The following ITIH1 variants were observed in gnomAD, a reference collection of about 807,000 sequenced individuals.
The protein encoded by ITIH1 is inter-alpha-trypsin inhibitor heavy chain H1.
ITIH1 carries 94 observed loss-of-function variants against 104.6 expected under a neutral mutation model. The ratio of observed to expected loss-of-function variants is 0.90; its 90% CI spans 0.76 to 1.07. The LOEUF is 1.07. Ranked by LOEUF, ITIH1 falls within the 50% of genes least tolerant of loss-of-function variation. ITIH1 has a pLI of 0.00. For synonymous variants in ITIH1, 455 were observed against 464.4 expected (o/e 0.98, Z 0.26); for missense variants, 1,193 against 1,181.4 (o/e 1.01, Z -0.14).
intron 6 of ITIH1, 81 bp from the exon 7 acceptor site, chr3:52,781,859 A>G (rs1008879122): frequency 4.8e-5 from 75 of 1,552,864 alleles, no homozygotes; most frequent in East Asian, 2.3e-4. Flanking sequence ...ACACACACGC[A>G]TGCCTTCTTA....
chr3:52,778,280 GA>G, intron 2 of ITIH1, 59 bp from the exon 3 acceptor site: 1 of 1,548,176 alleles, frequency 6.5e-7, no homozygotes, highest in Non-Finnish European at 8.9e-7. Context: ...CGTACCACAG[GA>G]AGTCCCTCGC....
At chr3:52,790,510 G>A (rs956187382) in intron 19 of ITIH1, 10 of 472,494 alleles carry the variant, frequency 2.1e-5, no homozygotes, top group East Asian at 8.4e-5. Flanking sequence ...TCACAGGCTC[G>A]GAGTGAGGAT....
chr3:52,783,294 C>T lies in ITIH1; in HGVS notation c.1180C>T (p.His394Tyr), dbSNP rs1270755929. Residue 394 changes from histidine to tyrosine, a missense_variant, in exon 10 of 22, where the codon CAT becomes TAT. Physicochemically the swap from His to Tyr is moderately conservative, Grantham distance 83. Coordinates refer to ENST00000273283, the MANE Select transcript of ITIH1 (RefSeq NM_002215.4). ...VQESLPELSN[H>Y]ASILIMLTDG... is the part of the protein sequence containing the mutation. ...GGAAAGCCTCCCAGAACTCAGCAAC[C>T]ATGCCTCAATACTCATCATGTTGAC... The T allele has an allele frequency of 1.7e-5, 28 of 1,614,028 alleles. No homozygotes were observed. The highest frequency in any genetic ancestry group is 2.7e-5 in the African/African-American group (2 of 74,906).
At chr3:52,785,635 G>A (rs907972914) in intron 12 of ITIH1, among the ~76,000 whole-genome samples, 1 of 152,230 alleles carries the variant, frequency 6.6e-6, no homozygotes, top group Non-Finnish European at 1.5e-5. Flanking sequence ...GGTGGGGACA[G>A]GCATGTGAGA....
Position 52,789,860 on chromosome 3 carries a change from C to A in ITIH1, c.2321+6C>A, listed in dbSNP as rs1257030054. 6.2e-7 allele frequency: 1 copy of A among 1,613,794 alleles called. No homozygotes were observed. The highest frequency in any genetic ancestry group is 1.7e-5 in the Admixed American group (1 of 60,006). On this transcript the variant is annotated splice_donor_region_variant and intron_variant, in intron 19 of 21. Transcript: ENST00000273283. ...GCTGTGCTGCGGCAGGACGGGTAAC[C>A]TGCCAGGGCCTGGGCAAGATGCAGG... is the stretch of plus-strand genomic sequence containing the variant.
chr3:52,781,709 G>T (rs570801903), intron 6 of ITIH1, among the ~76,000 whole-genome samples: 2 of 152,132 alleles, frequency 1.3e-5, no homozygotes, highest in African/African-American at 4.8e-5. Context: ...GATGTTCATT[G>T]TAGAAAATCC....
Position 52,779,803 on chromosome 3 carries a change from G to T in ITIH1, c.573+209G>T. ...CCTCTTTATCTCTGAGCTTCGGTTT[G>T]CTCATCTGCTAGACGGGGGGTTTCT... On this transcript the variant is annotated intron_variant, in intron 5 of 21. Coordinates refer to ENST00000273283, the MANE Select transcript of ITIH1 (RefSeq NM_002215.4). This position sits in a 1 kb window ranked among gnomAD's most constrained non-coding sequence, Gnocchi z 4.4. 2 of 1,100,046 alleles carry T rather than the reference G, an allele frequency of 1.8e-6. No homozygotes were observed. Among genetic ancestry groups the T allele is most frequent in the Non-Finnish European group, 2.5e-6 (2 of 792,470 alleles). The allele number at this position is 1,100,046 out of a possible 1,614,324, so 68.1% of individuals were successfully genotyped here. A position where few individuals can be genotyped will look rare whatever the true frequency, so the allele number is the denominator to read the frequency against.
chr3:52,787,055 C>T lies in ITIH1; in HGVS notation c.1844C>T (p.Ala615Val), dbSNP rs892554181. 1.7e-5 allele frequency: 28 copies of T among 1,614,008 alleles called. No homozygotes were observed. The highest frequency in any genetic ancestry group is 1.6e-4 in the Middle Eastern group (1 of 6,082). ...PLTSMSIRGMADQDGLKPTID... is the reference protein window; with the variant it reads ...PLTSMSIRGMVDQDGLKPTID... Reference sequence around the variant, plus strand: ...ACCTCCATGAGCATCAGGGGCATGGCGGACCAGGACGGCCTGAAGCCCACC... The same window carrying T: ...ACCTCCATGAGCATCAGGGGCATGGTGGACCAGGACGGCCTGAAGCCCACC... Residue 615 changes from alanine to valine, a missense_variant, in exon 14 of 22, where the codon GCG becomes GTG. Ala to Val is a moderately conservative substitution (Grantham distance 64). Transcript: ENST00000273283.
Position 52,792,059 on chromosome 3 carries a change from TC to T in ITIH1, c.*150del. The T allele has an allele frequency of 1.1e-6, 1 of 920,912 alleles. No individual in the cohort carries two copies. Among genetic ancestry groups the T allele is most frequent in the Non-Finnish European group, 1.6e-6 (1 of 630,714 alleles). 57.0% of individuals were successfully genotyped at this position (920,912 alleles called of 1,614,324 possible). ...TGCCTTCCATTAAAGAGAGGCCGTG[TC>T]CACCCTGAGCTGGCTGATTTTGGGG... On this transcript the variant is annotated 3_prime_UTR_variant, in exon 22 of 22. Coordinates refer to ENST00000273283, the MANE Select transcript of ITIH1 (RefSeq NM_002215.4).
In ITIH1 at chr3:52,786,369, C is replaced by T; in HGVS notation, c.1668C>T (p.His556=). The T allele has an allele frequency of 6.3e-7, 1 of 1,583,528 alleles. No homozygotes were observed. Among genetic ancestry groups the T allele is most frequent in the Non-Finnish European group, 8.6e-7 (1 of 1,164,370 alleles). The change falls in exon 13 of 22, where the codon CAC becomes CAT. Residue 556 remains histidine (H), a synonymous_variant. Coordinates refer to ENST00000273283, the MANE Select transcript of ITIH1 (RefSeq NM_002215.4). ...EMKKLLRERG[H]MLENHVERLW... is the part of the protein sequence containing the mutation. ...AGAAACTGCTCCGAGAGCGTGGCCA[C>T]ATGCTGGAGAACCACGTCGAGCGCC... is the stretch of plus-strand genomic sequence containing the variant.
chr3:52,786,114 C>A (rs1043098229), intron 12 of ITIH1, among the ~76,000 whole-genome samples, 181 bp from the exon 13 acceptor site: 1 of 152,194 alleles, frequency 6.6e-6, no homozygotes, highest in Admixed American at 6.5e-5. Flanking sequence ...CCAAGCCTGG[C>A]TTGCAGAGGG....
At position 52,783,105 on chromosome 3, in the gene ITIH1, G is replaced by A. The variant is rs745741317; in HGVS notation, c.1079G>A (p.Arg360Gln). 1.4e-5 allele frequency: 22 copies of A among 1,613,934 alleles called. No homozygotes were observed. Among genetic ancestry groups the A allele is most frequent in the Admixed American group, 6.7e-5 (4 of 59,996 alleles). ...CTACAAGCAGCTCAAGACTTTGTGCGGGGCTTTTCCCTGGATGAGGGTAAG... is the reference window on the plus strand; with the variant it reads ...CTACAAGCAGCTCAAGACTTTGTGCAGGGCTTTTCCCTGGATGAGGGTAAG... ...ANLQAAQDFV[R>Q]GFSLDEATNL... The change falls in exon 9 of 22, where the codon CGG becomes CAG. Residue 360 changes from arginine (R) to glutamine (Q), a missense_variant. By Grantham distance (43) the Arg-to-Gln change is conservative. Transcript: ENST00000273283.
intron 3 of ITIH1, 89 bp downstream of exon 3, chr3:52,778,595 C>T (rs375016928): frequency 2.4e-5 from 38 of 1,570,730 alleles, no homozygotes; most frequent in African/African-American, 1.1e-4. Context: ...GGCCAGATAA[C>T]GCAGAGCATC....
chr3:52,781,376 T>C (rs1699056651), intron 6 of ITIH1, among the ~76,000 whole-genome samples: 1 of 151,880 alleles, frequency 6.6e-6, no homozygotes, highest in African/African-American at 2.4e-5. Context: ...CTGCTTCTTC[T>C]TCCTTTTGCT....
At position 52,791,965 on chromosome 3, in the gene ITIH1, C is replaced by A; in HGVS notation, c.*54C>A. ...CCGGGGCCAAGGCAGAGGAGGAGGA[C>A]GACATCCTGACCTGCTGCTGAGGCT... On this transcript the variant is annotated 3_prime_UTR_variant, in exon 22 of 22. Transcript: ENST00000273283. The A allele has an allele frequency of 6.4e-7, 1 of 1,563,296 alleles. No homozygotes were observed. Among genetic ancestry groups the A allele is most frequent in the South Asian group, 1.2e-5 (1 of 84,776 alleles).
In ITIH1 at chr3:52,778,960, A is replaced by G. The variant is rs1180062416; in HGVS notation, c.324A>G (p.Ala108=). 9 of 1,613,496 alleles carry G rather than the reference A, an allele frequency of 5.6e-6. No homozygotes were observed. Among genetic ancestry groups the G allele is most frequent in the East Asian group, 2.2e-5 (1 of 44,896 alleles). ...SDFAVTADGN[A]FIGDIKDKVT... ...CCTGCAGTACAGCAGATGGAAACGC[A>G]TTTATCGGAGACATAAAGGACAAGG... The change falls in exon 4 of 22, where the codon GCA becomes GCG. Residue 108 remains alanine, a synonymous_variant. Transcript: ENST00000273283.
rs1368454535 is a variant in ITIH1, at chr3:52,784,463, AC to A, written c.1396del (p.Gln466SerfsTer10). 6.2e-7 allele frequency: 1 copy of A among 1,613,950 alleles called. No individual in the cohort carries two copies. The highest frequency in any genetic ancestry group is 1.1e-5 in the South Asian group (1 of 91,064). On this transcript the variant is annotated frameshift_variant, in exon 11 of 22. Transcript: ENST00000273283. LOFTEE classifies it high-confidence loss of function. ...GAGAATCTACGAGGACCATGATGCC[AC>A]CCAGCAGCTGCAGGTCTCCCCTCAC... ...AQRIYEDHDA[T>X]QQLQGFYSQV...
chr3:52,778,000 C>T lies in ITIH1; in HGVS notation c.121C>T (p.Arg41Ter), dbSNP rs759052053. The change falls in exon 2 of 22, where the codon CGA becomes TGA. Residue 41 changes from arginine (R) to a stop codon, truncating the protein, a stop_gained. Transcript: ENST00000273283. LOFTEE classifies it high-confidence loss of function. ...TGACCCTGATTTTGTTTTGCAGAAG[C>T]GACAGGCTGTGGACACCGTGAGTAA... ...ATGRSKSSEK[R>*]QAVDTAVDGV... The T allele has an allele frequency of 1.3e-5, 21 of 1,614,074 alleles. No homozygotes were observed. Among genetic ancestry groups the T allele is most frequent in the South Asian group, 5.5e-5 (5 of 91,090 alleles).
intron 13 of ITIH1, 25 bp downstream of exon 13, chr3:52,786,459 G>C (rs1486906010): frequency 1.3e-6 from 2 of 1,560,566 alleles, no homozygotes; most frequent in East Asian, 2.4e-5. Flanking sequence ...GCTGCCCCAG[G>C]TGGGCACTGC....
Sources: allele counts gnomAD v4.1 joint callset (sites outside exome capture counted in the v4.1 genomes callset), GRCh38; gene constraint gnomAD v4.1.1; non-coding constraint Gnocchi (gnomAD v3.1); transcripts MANE v1.5; gene names NCBI Gene and HGNC (gene_info 2026-07-23, HGNC 2026-07-21).